Variants in RHCE observed in about 807,000 individuals in gnomAD.
RHCE encodes the protein blood group Rh(CE) polypeptide.
In RHCE, 22 loss-of-function variants were observed where a neutral mutation model predicts 43.8. The observed-to-expected ratio is 0.50, with a 90% CI of 0.36 to 0.72. The LOEUF (loss-of-function observed/expected upper bound fraction) is 0.72. Ranked by LOEUF, RHCE falls within the 30% of genes least tolerant of loss-of-function variation. RHCE has a pLI of 0.00. For missense variants in RHCE, 385 were observed against 525.4 expected, an observed-to-expected ratio of 0.73 and a Z score of 2.61; for synonymous variants, 156 against 210.7, an observed-to-expected ratio of 0.74 and a Z score of 2.25.
upstream of RHCE, among the ~76,000 whole-genome samples, chr1:25,424,328 C>T (rs1403301899): frequency 7.1e-4 from 108 of 152,188 alleles, 1 homozygote; most frequent in Non-Finnish European, 1.9e-4. Context: ...CCCACCTCAC[C>T]TCCCTGGATC....
chr1:25,412,059 G>C (rs1250292985), intron 1 of RHCE, among the ~76,000 whole-genome samples: 2 of 152,170 alleles, frequency 1.3e-5, no homozygotes, highest in African/African-American at 4.8e-5. Context: ...TTGTAAGGAA[G>C]ACCTTCAGGA....
chr1:25,393,553 A>C (rs996022031), intron 3 of RHCE, among the ~76,000 whole-genome samples: 1 of 152,200 alleles, frequency 6.6e-6, no homozygotes, highest in African/African-American at 2.4e-5. Flanking sequence ...CCTGGGAGGC[A>C]GAGGCTGTAG....
intron 2 of RHCE, among the ~76,000 whole-genome samples, chr1:25,406,220 T>C (rs1646909647): frequency 2.0e-5 from 2 of 101,522 alleles, no homozygotes; most frequent in African/African-American, 5.8e-5. Flanking sequence ...GTGGATGCAG[T>C]GTGTGTATGC....
chr1:25,393,035 A>G (rs1403563016), intron 3 of RHCE, among the ~76,000 whole-genome samples: 1 of 152,164 alleles, frequency 6.6e-6, no homozygotes, highest in Non-Finnish European at 1.5e-5. Flanking sequence ...ATACCAAACT[A>G]AGGTCTTCGG....
chr1:25,391,183 A>AT (rs1419049115), intron 4 of RHCE, among the ~76,000 whole-genome samples: 6 of 151,366 alleles, frequency 4.0e-5, no homozygotes, highest in Admixed American at 6.6e-5. Context: ...GCTTATTTTA[A>AT]TTTTTTTTTC....
In RHCE at chr1:25,362,540, G is replaced by C; in HGVS notation, c.1241C>G (p.Ala414Gly). 6.3e-7 allele frequency: 1 copy of C among 1,583,404 alleles called. No homozygotes were observed. Among genetic ancestry groups the C allele is most frequent in the South Asian group, 1.1e-5 (1 of 89,926 alleles). ...GGATGCTTTTGCTTAAAATCCAACA[G>C]CCAAATGAGGAAACTGTAAAAGCAA... ...DQVFWKFPHL[A>G]VGF The change falls in exon 10 of 10, where the codon GCT (alanine) becomes GGT (glycine). Residue 414 changes from alanine (A) to glycine (G), a missense_variant. Around this residue, in one of 6 missense-constraint regions of RHCE, gnomAD observed 26 missense variants for 37.1 expected, o/e 0.70. Transcript: ENST00000294413.
At chr1:25,420,498 G>A in intron 1 of RHCE, 141 bp downstream of exon 1, 2 of 1,528,310 alleles carry the variant, frequency 1.3e-6, no homozygotes, top group South Asian at 1.1e-5. Context: ...GAATTTCGGT[G>A]CAATCTACGG....
At chr1:25,395,702 C>G (rs914085774) in intron 3 of RHCE, among the ~76,000 whole-genome samples, 1 of 152,024 alleles carries the variant, frequency 6.6e-6, no homozygotes, top group Non-Finnish European at 1.5e-5. Context: ...GTGTGTAAAC[C>G]GGAATCCAGG....
chr1:25,416,346 C>T (rs1647431564), intron 1 of RHCE, among the ~76,000 whole-genome samples: 1 of 152,012 alleles, frequency 6.6e-6, no homozygotes, highest in African/African-American at 2.4e-5. Flanking sequence ...TCACTGAAAG[C>T]TCCGCCTCCT....
At chr1:25,402,035 C>G (rs1439060044) in intron 3 of RHCE, among the ~76,000 whole-genome samples, 2 of 151,906 alleles carry the variant, frequency 1.3e-5, no homozygotes, top group East Asian at 3.9e-4. Context: ...TGCCACCATG[C>G]GCAGCTAAAT....
intron 2 of RHCE, among the ~76,000 whole-genome samples, chr1:25,405,676 T>G (rs1240633059): frequency 8.3e-6 from 1 of 120,854 alleles, no homozygotes; most frequent in Non-Finnish European, 1.9e-5. Flanking sequence ...AAATAAAAAT[T>G]TAAAACATCC....
chr1:25,390,805 C>T lies in RHCE; in HGVS notation c.745G>A (p.Val249Met), dbSNP rs1646335181. 1.2e-6 allele frequency: 2 copies of T among 1,614,124 alleles called. No homozygotes were observed. The highest frequency in any genetic ancestry group is 8.5e-7 in the Non-Finnish European group (1 of 1,180,052). ...FNTYYALAVS[V>M]VTAISGSSLA... is the part of the protein sequence containing the mutation. ...GATGACCCTGAGATGGCTGTCACCA[C>T]ACTGACTGCTAGAGCATAGTAGGTG... The change falls in exon 5 of 10, where the codon GTG becomes ATG. Residue 249 changes from valine to methionine, a missense_variant. Around this residue, in one of 6 missense-constraint regions of RHCE, gnomAD observed 56 missense variants for 90.0 expected, o/e 0.62. Coordinates refer to ENST00000294413, the MANE Select transcript of RHCE (RefSeq NM_020485.8).
intron 8 of RHCE, among the ~76,000 whole-genome samples, chr1:25,372,992 G>A (rs1328403244): frequency 6.8e-6 from 1 of 148,020 alleles, no homozygotes; most frequent in Non-Finnish European, 1.5e-5. Context: ...TTGTAGAGAT[G>A]GGGTCTCACT....
intron 1 of RHCE, chr1:25,411,580 G>A (rs1647080433): frequency 1.1e-6 from 1 of 927,452 alleles, no homozygotes; most frequent in East Asian, 2.8e-5. Context: ...TGGGGATTTG[G>A]GGCGTGGGTG....
chr1:25,370,072 CTT>C (rs1023730744), intron 9 of RHCE, among the ~76,000 whole-genome samples: 1 of 151,600 alleles, frequency 6.6e-6, no homozygotes, highest in Non-Finnish European at 1.5e-5. Flanking sequence ...TGTCTCCACT[CTT>C]AGCATCTGTC....
At chr1:25,379,397 G>A (rs1331604103) in intron 7 of RHCE, among the ~76,000 whole-genome samples, 1 of 134,376 alleles carries the variant, frequency 7.4e-6, no homozygotes. Flanking sequence ...TTCTGCCCCA[G>A]CCCCCAAAAT....
intron 8 of RHCE, among the ~76,000 whole-genome samples, chr1:25,371,733 G>A (rs1223187986): frequency 1.3e-5 from 2 of 151,338 alleles, no homozygotes; most frequent in Non-Finnish European, 2.9e-5. Flanking sequence ...CCAGCTTCCC[G>A]AAGCTGGCTG....
chr1:25,421,182 G>A (rs1035098926), upstream of RHCE, among the ~76,000 whole-genome samples: 6 of 152,168 alleles, frequency 3.9e-5, no homozygotes, highest in African/African-American at 1.2e-4. Context: ...TTATAAATAA[G>A]GAAACTGAAG....
intron 3 of RHCE, among the ~76,000 whole-genome samples, chr1:25,402,138 A>G (rs1646767944): frequency 6.6e-6 from 1 of 151,966 alleles, no homozygotes; most frequent in African/African-American, 2.4e-5. Context: ...TGGCCTCCCA[A>G]AGTGCTGGGA....
Sources: gnomAD v4.1 joint callset for allele counts (sites outside exome capture counted in the v4.1 genomes callset) on GRCh38, gnomAD v4.1.1 for gene constraint, gnomAD v4.1.1 regional missense constraint, MANE v1.5 for transcripts, NCBI Gene and HGNC (gene_info 2026-07-23, HGNC 2026-07-21) for gene names.